RWDD2A: variants seen among roughly 807,000 people sequenced by gnomAD.
RWDD2A encodes the protein RWD domain-containing protein 2A.
RWDD2A carries 15 observed loss-of-function variants against 23.1 expected under a neutral mutation model. The ratio of observed to expected loss-of-function variants is 0.65; its 90% CI spans 0.43 to 1.00. RWDD2A has a LOEUF of 1.00. Ranked by LOEUF, RWDD2A falls within the 50% of genes least tolerant of loss-of-function variation. The pLI is 0.00. For synonymous variants in RWDD2A, 103 were observed against 123.0 expected (o/e 0.84, Z 1.08); for missense variants, 310 against 341.7 (o/e 0.91, Z 0.73).
Position 83,198,491 on chromosome 6 carries a change from A to G in RWDD2A, c.*2219A>G, listed in dbSNP as rs184633470. 5.3e-5 allele frequency: 8 copies of G among 152,080 alleles called. No individual in the cohort carries two copies. Among genetic ancestry groups the G allele is most frequent in the African/African-American group, 1.7e-4 (7 of 41,440 alleles). 9.4% of individuals were successfully genotyped at this position (152,080 alleles called of 1,614,324 possible). On this transcript the variant is annotated 3_prime_UTR_variant, in exon 3 of 3. Transcript: ENST00000369724. Reference sequence around the variant, plus strand: ...TAATTCAAAACTCAACTTTGTATGTATAGGAGTCTGCTGGTTGTTTGCACA... The same window carrying G: ...TAATTCAAAACTCAACTTTGTATGTGTAGGAGTCTGCTGGTTGTTTGCACA...
At position 83,195,842 on chromosome 6, in the gene RWDD2A, C is replaced by T. The variant is rs760935223; in HGVS notation, c.449C>T (p.Pro150Leu). Residue 150 changes from proline to leucine, a missense_variant, in exon 3 of 3, where the codon CCA becomes CTA. Transcript: ENST00000369724. ...LVYEPSTQAKPVKNTFLRMWI... is the reference protein window; with the variant it reads ...LVYEPSTQAKLVKNTFLRMWI... ...TATGAACCATCTACACAAGCAAAGC[C>T]AGTCAAGAACACATTCCTCCGAATG... is the stretch of plus-strand genomic sequence containing the variant. The T allele has an allele frequency of 6.2e-7, 1 of 1,614,180 alleles. No homozygotes were observed. Among genetic ancestry groups the T allele is most frequent in the Admixed American group, 1.7e-5 (1 of 60,028 alleles).
Position 83,195,681 on chromosome 6 carries a change from ACAT to A in RWDD2A, c.291_293del (p.His97del). On this transcript the variant is annotated inframe_deletion, in exon 3 of 3. Coordinates refer to ENST00000369724, the MANE Select transcript of RWDD2A (RefSeq NM_033411.5). ...TTGGACGGTCATCTGAACTTGACAG[ACAT>A]CAGCAGCTACTTCTCAACAAAGGTC... 1.2e-6 allele frequency: 2 copies of A among 1,614,206 alleles called. No homozygotes were observed. Among genetic ancestry groups the A allele is most frequent in the South Asian group, 1.1e-5 (1 of 91,084 alleles).
chr6:83,193,996 G>A (rs1180205276), intron 1 of RWDD2A: 3 of 153,608 alleles, frequency 2.0e-5, no homozygotes, highest in Non-Finnish European at 4.3e-5. Flanking sequence ...CTGGCACTGC[G>A]GCCTCTCTCG....
chr6:83,193,701 G>A (rs371112784), intron 1 of RWDD2A: 1 of 152,632 alleles, frequency 6.6e-6, no homozygotes, highest in East Asian at 1.9e-4. Context: ...CTCCGACGTC[G>A]AGGTCATCTC....
chr6:83,193,422 TA>T lies in RWDD2A; in HGVS notation c.-161del, dbSNP rs1263672033. 1 of 152,180 alleles carries T rather than the reference TA, an allele frequency of 6.6e-6. No homozygotes were observed. Among genetic ancestry groups the T allele is most frequent in the African/African-American group, 2.4e-5 (1 of 41,460 alleles). 9.4% of individuals were successfully genotyped at this position (152,180 alleles called of 1,614,324 possible). On this transcript the variant is annotated 5_prime_UTR_variant, in exon 1 of 3. Transcript: ENST00000369724. The stretch of plus-strand genomic sequence containing the variant: ...GGTTCCGAGCGGGGTCTGGGGCTGT[TA>T]CCATTGAGTGACCAGAAAGGGTGAG...
Position 83,197,105 on chromosome 6 carries a change from A to G in RWDD2A, c.*833A>G, listed in dbSNP as rs149885806. 31 of 152,344 alleles carry G rather than the reference A, an allele frequency of 2.0e-4. No homozygotes were observed. The highest frequency in any genetic ancestry group is 6.7e-4 in the African/African-American group (28 of 41,584). The allele number at this position is 152,344 out of a possible 1,614,324, so 9.4% of individuals were successfully genotyped here. On this transcript the variant is annotated 3_prime_UTR_variant, in exon 3 of 3. Transcript: ENST00000369724. ...CCCACGAGTTAAAAGATGACACACA[A>G]TGCTATGTGTTCTGGCTGTTTATAT...
At chr6:83,193,831 TG>T (rs1361613030) in intron 1 of RWDD2A, 1 of 152,558 alleles carries the variant, frequency 6.6e-6, no homozygotes, top group Non-Finnish European at 1.5e-5. Flanking sequence ...ACCCTTATCC[TG>T]GGTCCCTCGG....
chr6:83,195,419 C>G, intron 2 of RWDD2A, 176 bp from the exon 3 acceptor site: 1 of 624,516 alleles, frequency 1.6e-6, no homozygotes, highest in South Asian at 2.3e-5. Flanking sequence ...GGGCACCTGG[C>G]ACACGTAGTT....
intron 2 of RWDD2A, 125 bp from the exon 3 acceptor site, chr6:83,195,470 A>G (rs1789541549): frequency 6.6e-6 from 5 of 753,008 alleles, no homozygotes; most frequent in Admixed American, 2.9e-5. Context: ...GGAAGCAATC[A>G]TGTATGTAAA....
rs1382975954 is a variant in RWDD2A, at chr6:83,193,364, G to T, written c.-220G>T. 6.6e-6 allele frequency: 1 copy of T among 152,060 alleles called. No homozygotes were observed. The highest frequency in any genetic ancestry group is 2.4e-5 in the African/African-American group (1 of 41,374). The allele number at this position is 152,060 out of a possible 1,614,324, so 9.4% of individuals were successfully genotyped here. ...CCCCGCCCCCGCCTCGCCGCAGGTC[G>T]CGCGCAGCTGGCGCCTGAGGAACTG... On this transcript the variant is annotated 5_prime_UTR_variant, in exon 1 of 3. Transcript: ENST00000369724.
chr6:83,194,267 G>C, intron 1 of RWDD2A, 45 bp from the exon 2 acceptor site: 1 of 587,752 alleles, frequency 1.7e-6, no homozygotes, highest in South Asian at 2.1e-5. Context: ...AGATTTTGGA[G>C]TCAGGAAATA....
At position 83,196,024 on chromosome 6, in the gene RWDD2A, A is replaced by G. The variant is rs1470004685; in HGVS notation, c.631A>G (p.Ile211Val). ...KEHCEEFWHT[I>V]RYPNWKHISC... ...GCACTGTGAGGAGTTCTGGCACACA[A>G]TTAGGTACCCCAATTGGAAGCACAT... Residue 211 changes from isoleucine to valine, a missense_variant, in exon 3 of 3, where the codon ATT becomes GTT. Ile to Val is a conservative substitution (Grantham distance 29). Coordinates refer to ENST00000369724, the MANE Select transcript of RWDD2A (RefSeq NM_033411.5). 1 of 1,614,148 alleles carries G rather than the reference A, an allele frequency of 6.2e-7. No individual in the cohort carries two copies. The highest frequency in any genetic ancestry group is 1.3e-5 in the African/African-American group (1 of 75,058).
rs1430998224 is a variant in RWDD2A, at chr6:83,195,888, A to G, written c.495A>G (p.Ile165Met). The stretch of plus-strand genomic sequence containing the variant: ...GAATGTGGATCTACAGTCACCATAT[A>G]TATCAGCAGGACCTAAGGAAAAAGA... Reference protein sequence around the residue: ...FLRMWIYSHHIYQQDLRKKIL... With the variant: ...FLRMWIYSHHMYQQDLRKKIL... The change falls in exon 3 of 3, where the codon ATA becomes ATG. Residue 165 changes from isoleucine (I) to methionine (M), a missense_variant. Transcript: ENST00000369724. 3 of 1,614,240 alleles carry G rather than the reference A, an allele frequency of 1.9e-6. No homozygotes were observed. The highest frequency in any genetic ancestry group is 2.2e-5 in the East Asian group (1 of 44,890).
rs1789647172 is a variant in RWDD2A, at chr6:83,197,725, C to T, written c.*1453C>T. Reference sequence around the variant, plus strand: ...GGAGCCTACAGAACTTCTGATGAAACTACCATCTGGTTTTACCCTCTGTGC... The same window carrying T: ...GGAGCCTACAGAACTTCTGATGAAATTACCATCTGGTTTTACCCTCTGTGC... On this transcript the variant is annotated 3_prime_UTR_variant, in exon 3 of 3. Transcript: ENST00000369724. 2 of 152,324 alleles carry T rather than the reference C, an allele frequency of 1.3e-5. No individual in the cohort carries two copies. The highest frequency in any genetic ancestry group is 2.9e-5 in the Non-Finnish European group (2 of 68,126). 9.4% of individuals were successfully genotyped at this position (152,324 alleles called of 1,614,324 possible).
Position 83,196,053 on chromosome 6 carries a change from C to G in RWDD2A, c.660C>G (p.Ser220=), listed in dbSNP as rs373019481. The G allele has an allele frequency of 6.2e-7, 1 of 1,613,748 alleles. No homozygotes were observed. The highest frequency in any genetic ancestry group is 1.1e-5 in the South Asian group (1 of 91,020). ...TIRYPNWKHI[S]CKHAESVETE... is the part of the protein sequence containing the mutation. ...GGTACCCCAATTGGAAGCACATTTC[C>G]TGTAAGCATGCTGAAAGCGTGGAGA... Residue 220 remains serine (S), a synonymous_variant, in exon 3 of 3, where the codon TCC becomes TCG. Transcript: ENST00000369724.
intron 1 of RWDD2A, among the ~76,000 whole-genome samples, 182 bp downstream of exon 1, chr6:83,193,625 C>G (rs931821861): frequency 6.6e-6 from 1 of 152,130 alleles, no homozygotes; most frequent in African/African-American, 2.4e-5. Flanking sequence ...GAATCAGCCC[C>G]GTCGCTGGGC....
chr6:83,196,130 T>C lies in RWDD2A; in HGVS notation c.737T>C (p.Leu246Pro). ...CTTTTCCATTCTTTTGAAGAGTTAC[T>C]CCTTGAGGCTCATGGTGACTATGGA... ...LRLFHSFEEL[L>P]LEAHGDYGLR... Residue 246 changes from leucine (L) to proline (P), a missense_variant, in exon 3 of 3, where the codon CTC becomes CCC. Coordinates refer to ENST00000369724, the MANE Select transcript of RWDD2A (RefSeq NM_033411.5). 1 of 1,614,070 alleles carries C rather than the reference T, an allele frequency of 6.2e-7. No individual in the cohort carries two copies. The highest frequency in any genetic ancestry group is 8.5e-7 in the Non-Finnish European group (1 of 1,179,968).
At position 83,196,484 on chromosome 6, in the gene RWDD2A, G is replaced by A; in HGVS notation, c.*212G>A. ...TGTGATGTTATCTCTAGGTTTTTGTGTGAAGTCATTCAAAAACTATTTCAT... is the reference window on the plus strand; with the variant it reads ...TGTGATGTTATCTCTAGGTTTTTGTATGAAGTCATTCAAAAACTATTTCAT... On this transcript the variant is annotated 3_prime_UTR_variant, in exon 3 of 3. Coordinates refer to ENST00000369724, the MANE Select transcript of RWDD2A (RefSeq NM_033411.5). 1 of 338,582 alleles carries A rather than the reference G, an allele frequency of 3.0e-6. No homozygotes were observed. Among genetic ancestry groups the A allele is most frequent in the Non-Finnish European group, 5.3e-6 (1 of 189,618 alleles). The allele number at this position is 338,582 out of a possible 1,614,324, so 21.0% of individuals were successfully genotyped here. A position where few individuals can be genotyped will look rare whatever the true frequency, so the allele number is the denominator to read the frequency against.
chr6:83,195,759 A>G lies in RWDD2A; in HGVS notation c.366A>G (p.Ala122=). Residue 122 remains alanine, a synonymous_variant, in exon 3 of 3, where the codon GCA becomes GCG. Transcript: ENST00000369724. The stretch of plus-strand genomic sequence containing the variant: ...ATCCAGGTGAGCTCTGTGTATGTGC[A>G]GCAATCCAGTGGCTACAGGACAACA... ...TFDPGELCVC[A]AIQWLQDNSA... is the part of the protein sequence containing the mutation. 1.9e-6 allele frequency: 3 copies of G among 1,614,194 alleles called. No homozygotes were observed. Among genetic ancestry groups the G allele is most frequent in the Non-Finnish European group, 2.5e-6 (3 of 1,180,008 alleles).
Sources: allele counts gnomAD v4.1 joint callset (sites outside exome capture counted in the v4.1 genomes callset), GRCh38; gene constraint gnomAD v4.1.1; transcripts MANE v1.5; gene names NCBI Gene and HGNC (gene_info 2026-07-23, HGNC 2026-07-21).